The following ECSCR variants were observed in gnomAD, a reference collection of about 807,000 sequenced individuals.
ECSCR encodes the protein endothelial cell-specific chemotaxis regulator.
In ECSCR, 12 loss-of-function variants were observed where a neutral mutation model predicts 16.7. The observed-to-expected ratio is 0.72, with a 90% confidence interval of 0.46 to 1.17. The LOEUF is 1.17. Among genes scored for constraint, ECSCR ranks in the 50% most tolerant of loss-of-function variants. The pLI is 0.00. For synonymous variants in ECSCR, 44 were observed against 42.2 expected (o/e 1.04, Z -0.17); for missense variants, 122 against 116.1 (o/e 1.05, Z -0.23).
intron 2 of ECSCR, 22 bp from the exon 3 acceptor site, chr5:139,457,829 T>C: frequency 6.3e-7 from 1 of 1,596,808 alleles, no homozygotes; most frequent in Non-Finnish European, 8.5e-7. Context: ...CATCTGAGGC[T>C]GAGGGGTGCA....
In ECSCR at chr5:139,457,677, A is replaced by C. The variant is rs887694422; in HGVS notation, c.158-73T>G. The C allele has an allele frequency of 1.4e-5, 21 of 1,544,004 alleles. No individual in the cohort carries two copies. The South Asian group carries it at 1.9e-4, about 14-fold the overall frequency. On this transcript the variant is annotated intron_variant, in intron 3 of 9. Coordinates refer to ENST00000618155, the MANE Select transcript of ECSCR (RefSeq NM_001077693.4). ...TGACACCACACTCCCTGTCCCACCCAAGAACCCCTGGGCTCCAAGCAGGTC... is the reference window on the plus strand; with the variant it reads ...TGACACCACACTCCCTGTCCCACCCCAGAACCCCTGGGCTCCAAGCAGGTC...
At chr5:139,458,628 C>T (rs1751222768) in intron 1 of ECSCR, among the ~76,000 whole-genome samples, 1 of 150,754 alleles carries the variant, frequency 6.6e-6, no homozygotes, top group African/African-American at 2.4e-5. Flanking sequence ...GGGTAGATCA[C>T]TTGAGGTCAG....
intron 1 of ECSCR, among the ~76,000 whole-genome samples, chr5:139,459,769 G>C (rs564021993): frequency 6.6e-6 from 1 of 152,222 alleles, no homozygotes; most frequent in Non-Finnish European, 1.5e-5. Flanking sequence ...CCCAGGCCTG[G>C]GTGGACAGAG....
chr5:139,450,267 C>T (rs972354879), intron 8 of ECSCR, among the ~76,000 whole-genome samples: 2 of 152,112 alleles, frequency 1.3e-5, no homozygotes, highest in African/African-American at 4.8e-5. Context: ...TTTTGGGAGG[C>T]TGAGGCAGAA....
At chr5:139,454,766 G>A (rs1241823388) in intron 7 of ECSCR, 59 bp downstream of exon 7, 2 of 398,306 alleles carry the variant, frequency 5.0e-6, no homozygotes, top group Non-Finnish European at 8.8e-6. Context: ...GTGAGCTGGG[G>A]CTCTAGCCCT....
chr5:139,454,208 T>A (rs1268676223), intron 8 of ECSCR, among the ~76,000 whole-genome samples: 1 of 133,778 alleles, frequency 7.5e-6, no homozygotes, highest in Admixed American at 7.5e-5. Context: ...TGTGGTGTAT[T>A]TGAGGTGTGT....
At chr5:139,459,245 C>T (rs771457980) in intron 1 of ECSCR, among the ~76,000 whole-genome samples, 87 of 152,096 alleles carry the variant, frequency 5.7e-4, no homozygotes, top group South Asian at 2.5e-3. Flanking sequence ...GGCTGAGAGA[C>T]GGGAAGGTGA....
rs540528870 is a variant in ECSCR at position 139,449,114 on chromosome 5, G to C, written c.573C>G (p.Asn191Lys). The C allele has an allele frequency of 6.5e-7, 1 of 1,537,200 alleles. No individual in the cohort carries two copies. The highest frequency in any genetic ancestry group is 1.2e-5 in the South Asian group (1 of 84,068). The change falls in exon 9 of 10, where the codon AAC becomes AAG. Residue 191 changes from asparagine to lysine, a missense_variant. Coordinates refer to ENST00000618155, the MANE Select transcript of ECSCR (RefSeq NM_001077693.4). ...AGAGACTTTGTTTGCCATTATTCAT[G>C]TTGATGTTCTTCATGGAGATAAGGG... ...SITLISMKNI[N>K]MNNGKQSLSA...
Position 139,452,038 on chromosome 5 carries a change from G to A in ECSCR, c.512+2564C>T, listed in dbSNP as rs1415055253. On this transcript the variant is annotated intron_variant, in intron 8 of 9. Transcript: ENST00000618155. Reference sequence around the variant, plus strand: ...GTGTGTAGTGTGGGGTATGGGATATGTTGTGTGTTTGTGGTGTATGTGGGG... The same window carrying A: ...GTGTGTAGTGTGGGGTATGGGATATATTGTGTGTTTGTGGTGTATGTGGGG... 2.7e-5 allele frequency among the ~76,000 whole-genome samples: 4 copies of A among 150,278 alleles called. No individual in the cohort carries two copies. In the South Asian group the frequency reaches 8.5e-4, roughly 32 times the overall value.
In ECSCR at chr5:139,449,121, T is replaced by C; in HGVS notation, c.566A>G (p.Asn189Ser). 1.3e-6 allele frequency: 2 copies of C among 1,537,200 alleles called. No homozygotes were observed. Among genetic ancestry groups the C allele is most frequent in the Non-Finnish European group, 1.7e-6 (2 of 1,146,896 alleles). Reference sequence around the variant, plus strand: ...TTGTTTGCCATTATTCATGTTGATGTTCTTCATGGAGATAAGGGTGATGCT... The same window carrying C: ...TTGTTTGCCATTATTCATGTTGATGCTCTTCATGGAGATAAGGGTGATGCT... The part of the protein sequence containing the change: ...KDSITLISMK[N>S]INMNNGKQSL... Residue 189 changes from asparagine (N) to serine (S), a missense_variant, in exon 9 of 10, where the codon AAC becomes AGC. Transcript: ENST00000618155.
intron 8 of ECSCR, among the ~76,000 whole-genome samples, chr5:139,451,441 GTA>G (rs1192851062): frequency 6.7e-6 from 1 of 148,778 alleles, no homozygotes; most frequent in Admixed American, 6.7e-5. Context: ...GTAGTATGAG[GTA>G]TGTGTGTAGT....
rs1382901595 is a variant in ECSCR at position 139,454,845 on chromosome 5, C to T, written c.455G>A (p.Arg152Gln). ...VGVVSLRFKC[R>Q]KSKESEDPQK... is the part of the protein sequence containing the mutation. ...CGCACCTTCAGACTCCTTGCTCTTC[C>T]GACACTTGAACCTCAGGCTGACCAC... is the stretch of plus-strand genomic sequence containing the variant. The change falls in exon 7 of 10, where the codon CGG becomes CAG. Residue 152 changes from arginine (R) to glutamine (Q), a missense_variant. Arg to Gln is a conservative substitution (Grantham distance 43, BLOSUM62 1). Transcript: ENST00000618155. 5.0e-6 allele frequency: 2 copies of T among 398,578 alleles called. No individual in the cohort carries two copies. Among genetic ancestry groups the T allele is most frequent in the South Asian group, 1.3e-4 (1 of 7,852 alleles). The allele number at this position is 398,578 out of a possible 1,614,324, so 24.7% of individuals were successfully genotyped here.
Position 139,458,159 on chromosome 5 carries a change from G to C in ECSCR, c.86C>G (p.Thr29Ser). Residue 29 changes from threonine (T) to serine (S), a missense_variant, in exon 2 of 10, where the codon ACC (threonine) becomes AGC (serine). Physicochemically the swap from Thr to Ser is moderately conservative, Grantham distance 58. Coordinates refer to ENST00000618155, the MANE Select transcript of ECSCR (RefSeq NM_001077693.4). ...FRGHNSQPTM[T>S]QTSSSQGGLG... is the part of the protein sequence containing the mutation. ...CTTACCCTGAGAGCTAGAGGTCTGG[G>C]TCATTGTGGGCTGGGAGTTGTGGCC... The C allele has an allele frequency of 6.5e-7, 1 of 1,549,736 alleles. No homozygotes were observed. Among genetic ancestry groups the C allele is most frequent in the Non-Finnish European group, 8.7e-7 (1 of 1,146,996 alleles).
chr5:139,452,456 G>T (rs1223729549), intron 8 of ECSCR, among the ~76,000 whole-genome samples: 1 of 145,092 alleles, frequency 6.9e-6, no homozygotes, highest in East Asian at 2.2e-4. Context: ...GTGGTAGGTG[G>T]GTATGTGTGT....
intron 1 of ECSCR, 174 bp downstream of exon 1, chr5:139,462,436 C>A (rs2152090672): frequency 5.2e-6 from 1 of 192,096 alleles, no homozygotes; most frequent in African/African-American, 2.4e-5. Flanking sequence ...CCATTTTACC[C>A]CTGCCTGGTA....
chr5:139,449,814 T>C (rs1385892620), intron 8 of ECSCR, among the ~76,000 whole-genome samples: 2 of 151,914 alleles, frequency 1.3e-5, no homozygotes, highest in Non-Finnish European at 2.9e-5. Flanking sequence ...CTTGACCCCC[T>C]GAGCTCACAC....
chr5:139,462,514 G>A (rs1751329629), intron 1 of ECSCR, 96 bp downstream of exon 1: 1 of 1,279,830 alleles, frequency 7.8e-7, no homozygotes, highest in African/African-American at 1.5e-5. Flanking sequence ...CACAGCCCCT[G>A]GATGGAAAGC....
intron 2 of ECSCR, 46 bp downstream of exon 2, chr5:139,458,093 G>A (rs1355624955): frequency 2.0e-6 from 3 of 1,533,274 alleles, no homozygotes; most frequent in Non-Finnish European, 2.6e-6. Flanking sequence ...CCCTTCCTAA[G>A]CTCCTAGGCC....
intron 5 of ECSCR, 72 bp from the exon 6 acceptor site, chr5:139,455,508 C>T (rs1477913266): frequency 7.6e-6 from 3 of 394,476 alleles, no homozygotes; most frequent in Non-Finnish European, 1.3e-5. Context: ...GCTTCCCTCC[C>T]GCTTCCCCCT....
Sources: gnomAD v4.1 joint callset for allele counts (sites outside exome capture counted in the v4.1 genomes callset) on GRCh38, gnomAD v4.1.1 for gene constraint, MANE v1.5 for transcripts, NCBI Gene and HGNC (gene_info 2026-07-23, HGNC 2026-07-21) for gene names.